Variants in SCAPER observed in about 807,000 individuals in gnomAD.
SCAPER encodes the protein S-phase cyclin A associated protein in the ER.
Under a neutral mutation model 182.2 loss-of-function variants are expected in SCAPER, and 98 were observed. The ratio of observed to expected loss-of-function variants is 0.54; its 90% CI spans 0.46 to 0.64. The LOEUF (loss-of-function observed/expected upper bound fraction) is 0.64. SCAPER is among the 30% of genes least tolerant of loss of function. SCAPER has a pLI of 0.00. For missense variants in SCAPER, 1,432 were observed against 1,690.0 expected, an observed-to-expected ratio of 0.85 and a Z score of 2.68; for synonymous variants, 605 against 564.6, an observed-to-expected ratio of 1.07 and a Z score of -1.01.
intron 21 of SCAPER, among the ~76,000 whole-genome samples, chr15:76,654,169 A>G (rs1403113091): frequency 6.6e-6 from 1 of 152,190 alleles, no homozygotes; most frequent in African/African-American, 2.4e-5. Context: ...TTGGGAGGCC[A>G]AGGCGGGCTG....
intron 5 of SCAPER, among the ~76,000 whole-genome samples, chr15:76,806,737 T>A (rs1381970521): frequency 6.6e-6 from 1 of 152,222 alleles, no homozygotes; most frequent in African/African-American, 2.4e-5. Flanking sequence ...TTTTTCGTAG[T>A]TTCTTTCAAT....
At position 76,877,304 on chromosome 15, in the gene SCAPER, T is replaced by A. The variant is rs187448620; in HGVS notation, c.6+6508A>T. ...CAAAATAAATAATGATTATGTTAGA[T>A]TACATTAAATAAAATTAAAAATCAG... is the stretch of plus-strand genomic sequence containing the variant. On this transcript the variant is annotated intron_variant, in intron 2 of 31. Coordinates refer to ENST00000563290, the MANE Select transcript of SCAPER (RefSeq NM_020843.4). Among the ~76,000 whole-genome samples the A allele has an allele frequency of 3.2e-3, 483 of 151,810 alleles. 3 individuals are homozygous for A. Among genetic ancestry groups the A allele is most frequent in the South Asian group, 0.016 (77 of 4,820 alleles).
chr15:76,578,901 T>A (rs750698079), intron 22 of SCAPER, among the ~76,000 whole-genome samples: 1 of 152,182 alleles, frequency 6.6e-6, no homozygotes, highest in Non-Finnish European at 1.5e-5. Flanking sequence ...AAGTGACTCT[T>A]TCAGGCAGAG....
At chr15:76,840,032 A>G (rs1436058546) in intron 5 of SCAPER, among the ~76,000 whole-genome samples, 1 of 152,216 alleles carries the variant, frequency 6.6e-6, no homozygotes. Context: ...ACAAAGCATA[A>G]CAGAAAACTA....
chr15:76,427,433 A>G (rs2046514105), intron 26 of SCAPER, among the ~76,000 whole-genome samples: 1 of 152,230 alleles, frequency 6.6e-6, no homozygotes, highest in Non-Finnish European at 1.5e-5. Context: ...CTCAGAAGAC[A>G]TACAAATGGC....
intron 1 of SCAPER, among the ~76,000 whole-genome samples, chr15:76,901,174 A>G (rs1477878783): frequency 6.6e-6 from 1 of 152,142 alleles, no homozygotes; most frequent in African/African-American, 2.4e-5. Flanking sequence ...AGGTTGCAGT[A>G]AGCTGAGATC....
intron 2 of SCAPER, among the ~76,000 whole-genome samples, chr15:76,875,570 G>C (rs2073082702): frequency 6.6e-6 from 1 of 152,224 alleles, no homozygotes; most frequent in Non-Finnish European, 1.5e-5. Flanking sequence ...TTGAACCTGG[G>C]AGGCGAGGGT....
chr15:76,364,462 A>G (rs117129193), intron 29 of SCAPER, among the ~76,000 whole-genome samples: 60,753 of 152,062 alleles, frequency 0.4, 14,414 homozygotes, highest in Middle Eastern at 0.55. Flanking sequence ...TTTGGAAATA[A>G]GGTGATGCTA....
intron 15 of SCAPER, among the ~76,000 whole-genome samples, chr15:76,748,021 G>A (rs562193908): frequency 6.4e-5 from 9 of 140,364 alleles, no homozygotes; most frequent in African/African-American, 2.1e-4. Flanking sequence ...ACGGAGTTTC[G>A]CTCTTGTTGC....
At chr15:76,698,274 G>A (rs1377208312) in intron 20 of SCAPER, among the ~76,000 whole-genome samples, 2 of 151,614 alleles carry the variant, frequency 1.3e-5, no homozygotes, top group Non-Finnish European at 1.5e-5. Flanking sequence ...TGATACCTTC[G>A]AGCCACTCTG....
intron 15 of SCAPER, among the ~76,000 whole-genome samples, chr15:76,750,050 C>G (rs8034637): frequency 0.078 from 11,752 of 151,274 alleles, 512 homozygotes; most frequent in Middle Eastern, 0.11. Context: ...ATAAAGTAAA[C>G]AGAATCAAGT....
chr15:76,606,208 T>C (rs2050380489), intron 22 of SCAPER, among the ~76,000 whole-genome samples: 1 of 152,136 alleles, frequency 6.6e-6, no homozygotes, highest in African/African-American at 2.4e-5. Flanking sequence ...CCCAGAGATT[T>C]TGGTATGTTG....
Position 76,857,858 on chromosome 15 carries a change from C to T in SCAPER, c.146G>A (p.Gly49Asp), listed in dbSNP as rs2071537091. The T allele has an allele frequency of 1.3e-6, 2 of 1,545,678 alleles. No individual in the cohort carries two copies. Among genetic ancestry groups the T allele is most frequent in the Non-Finnish European group, 8.7e-7 (1 of 1,144,154 alleles). ...TTGAATGGTCCTCTTAGATTTTCCA[C>T]CAGTTTGACATTTAGGTTTTCCTTC... ...DDDGKPKCQTGGKSKRTIQGT... is the reference protein window; with the variant it reads ...DDDGKPKCQTDGKSKRTIQGT... The change falls in exon 4 of 32, where the codon GGT (glycine) becomes GAT (aspartate). Residue 49 changes from glycine to aspartate, a missense_variant. By Grantham distance (94) the Gly-to-Asp change is moderately conservative. Coordinates refer to ENST00000563290, the MANE Select transcript of SCAPER (RefSeq NM_020843.4).
intron 29 of SCAPER, among the ~76,000 whole-genome samples, chr15:76,355,967 T>C (rs2040934675): frequency 6.6e-6 from 1 of 152,200 alleles, no homozygotes; most frequent in South Asian, 2.1e-4. Context: ...CCATTGGAGT[T>C]CTAAGGAGCT....
Position 76,821,549 on chromosome 15 carries a change from G to C in SCAPER, c.394-16916C>G, listed in dbSNP as rs974330985. 3.3e-5 allele frequency among the ~76,000 whole-genome samples: 5 copies of C among 152,174 alleles called. 1 individual carries two copies. The highest frequency in any genetic ancestry group is 4.2e-4 in the South Asian group (2 of 4,818). ...AGGTTGGGGGGGATCACTTGAGCCT[G>C]GGAAGTTGAGGCTGCAGTGATCTCT... On this transcript the variant is annotated intron_variant, in intron 5 of 31. Transcript: ENST00000563290.
At position 76,429,152 on chromosome 15, in the gene SCAPER, C is replaced by T. The variant is rs1416942314; in HGVS notation, c.3311+4926G>A. 2.6e-5 allele frequency among the ~76,000 whole-genome samples: 4 copies of T among 151,980 alleles called. No individual in the cohort carries two copies. In the South Asian group the frequency reaches 8.3e-4, roughly 32 times the overall value. On this transcript the variant is annotated intron_variant, in intron 26 of 31. Transcript: ENST00000563290. ...CACCATCCACGTAAGTTGTGACTTGCTCCTCCTTGCTTTCCAGCATGATTG... is the reference window on the plus strand; with the variant it reads ...CACCATCCACGTAAGTTGTGACTTGTTCCTCCTTGCTTTCCAGCATGATTG...
At chr15:76,424,664 T>C (rs1472287287) in intron 26 of SCAPER, among the ~76,000 whole-genome samples, 39 of 152,202 alleles carry the variant, frequency 2.6e-4, no homozygotes, top group Admixed American at 2.5e-3. Flanking sequence ...GCCATTATGA[T>C]GTTAGCTGGT....
intron 8 of SCAPER, among the ~76,000 whole-genome samples, chr15:76,794,054 T>C (rs1034456257): frequency 6.6e-6 from 1 of 152,210 alleles, no homozygotes; most frequent in Non-Finnish European, 1.5e-5. Flanking sequence ...TGCTGTGGCA[T>C]GAGAGCAGAG....
At chr15:76,830,926 C>T (rs763441826) in intron 5 of SCAPER, among the ~76,000 whole-genome samples, 2 of 152,068 alleles carry the variant, frequency 1.3e-5, no homozygotes, top group Non-Finnish European at 2.9e-5. Flanking sequence ...GGTTGCCAAG[C>T]ACCGTGACCC....
Sources: gnomAD v4.1 joint callset for allele counts (sites outside exome capture counted in the v4.1 genomes callset) on GRCh38, gnomAD v4.1.1 for gene constraint, MANE v1.5 for transcripts, NCBI Gene and HGNC (gene_info 2026-07-23, HGNC 2026-07-21) for gene names.